The following ZNF367 variants were observed in gnomAD, a reference collection of about 807,000 sequenced individuals.
ZNF367 encodes the protein zinc finger protein 367, also known as C2H2 zinc finger protein ZFF29.
Under a neutral mutation model 31.8 loss-of-function variants are expected in ZNF367, and 11 were observed. The observed-to-expected ratio is 0.35, with a 90% CI of 0.22 to 0.57. The LOEUF (loss-of-function observed/expected upper bound fraction) is 0.57, where lower values mean the gene tolerates loss of function less well. Ranked by LOEUF, ZNF367 falls within the 20% of genes least tolerant of loss-of-function variation. The pLI, the probability that ZNF367 is intolerant of heterozygous loss-of-function variation, is 0.85. For missense variants in ZNF367, 353 were observed against 484.1 expected, an observed-to-expected ratio of 0.73 and a Z score of 2.54; for synonymous variants, 199 against 202.4, an observed-to-expected ratio of 0.98 and a Z score of 0.14.
chr9:96,415,076 A>G (rs907323474), intron 1 of ZNF367, among the ~76,000 whole-genome samples: 7 of 149,360 alleles, frequency 4.7e-5, no homozygotes, highest in African/African-American at 1.7e-4. Flanking sequence ...TTTTTCTGAG[A>G]CAGAGTCTTG....
At chr9:96,389,418 T>C (rs1351734239) in intron 4 of ZNF367, among the ~76,000 whole-genome samples, 1 of 151,056 alleles carries the variant, frequency 6.6e-6, no homozygotes, top group Non-Finnish European at 1.5e-5. Context: ...TAGCCAAAAA[T>C]AACCCAAATG....
intron 2 of ZNF367, among the ~76,000 whole-genome samples, chr9:96,397,567 G>A (rs1831547930): frequency 6.6e-6 from 1 of 152,154 alleles, no homozygotes; most frequent in Non-Finnish European, 1.5e-5. Context: ...ATTTGGGCAA[G>A]TAGGGGGTAA....
At chr9:96,393,041 C>T (rs1239796623) in intron 3 of ZNF367, among the ~76,000 whole-genome samples, 2 of 152,040 alleles carry the variant, frequency 1.3e-5, no homozygotes, top group African/African-American at 4.8e-5. Flanking sequence ...GCCGAGATCA[C>T]GCCATTGCAC....
intron 2 of ZNF367, among the ~76,000 whole-genome samples, chr9:96,395,973 T>G (rs1223846800): frequency 6.6e-6 from 1 of 152,234 alleles, no homozygotes; most frequent in Non-Finnish European, 1.5e-5. Context: ...AAATTTCTCA[T>G]TATTTAGAGA....
intron 3 of ZNF367, among the ~76,000 whole-genome samples, chr9:96,393,528 A>T (rs191860931): frequency 1.3e-3 from 193 of 145,516 alleles, no homozygotes; most frequent in African/African-American, 4.7e-3. Context: ...TCAAAACAAT[A>T]AAAAATAAAT....
At chr9:96,393,855 A>G (rs1486417922) in intron 3 of ZNF367, among the ~76,000 whole-genome samples, 1 of 152,224 alleles carries the variant, frequency 6.6e-6, no homozygotes, top group Admixed American at 6.5e-5. Flanking sequence ...ACAAATATTC[A>G]TTATTCAACA....
chr9:96,391,109 C>G (rs1831467480), intron 4 of ZNF367, among the ~76,000 whole-genome samples: 1 of 152,062 alleles, frequency 6.6e-6, no homozygotes, highest in Admixed American at 6.6e-5. Flanking sequence ...TTTCCAGATT[C>G]CATTATATAA....
chr9:96,395,005 G>A (rs1831513736), intron 2 of ZNF367, 63 bp from the exon 3 acceptor site: 24 of 1,585,718 alleles, frequency 1.5e-5, no homozygotes, highest in Admixed American at 6.8e-5. Context: ...AGGGGGATGG[G>A]GAGAGAATCA....
intron 1 of ZNF367, among the ~76,000 whole-genome samples, chr9:96,403,564 T>C (rs1831635919): frequency 6.6e-6 from 1 of 152,028 alleles, no homozygotes; most frequent in Non-Finnish European, 1.5e-5. Flanking sequence ...AAAATAATCT[T>C]GAAAAAGAGA....
chr9:96,412,697 C>CTTTT (rs71368258), intron 1 of ZNF367, among the ~76,000 whole-genome samples: 4,809 of 133,674 alleles, frequency 0.036, 103 homozygotes, highest in Middle Eastern at 0.06. Context: ...TTTTTCTTTT[C>CTTTT]TTTTTTTTTT....
In ZNF367 at chr9:96,417,725, T is replaced by C; in HGVS notation, c.308A>G (p.His103Arg). ...AALPAAAAAE[H>R]SGLRGRGAPP... is the part of the protein sequence containing the mutation. The stretch of plus-strand genomic sequence containing the variant: ...CGCGCCCCGGCCACGAAGCCCCGAG[T>C]GCTCGGCGGCTGCGGCTGCAGGCAG... Residue 103 changes from histidine to arginine, a missense_variant, in exon 1 of 5, where the codon CAC becomes CGC. Around this residue, in one of 5 missense-constraint regions of ZNF367, gnomAD observed 70 missense variants for 57.1 expected, o/e 1.23. Coordinates refer to ENST00000375256, the MANE Select transcript of ZNF367 (RefSeq NM_153695.4). This position sits in a 1 kb window ranked among gnomAD's most constrained non-coding sequence, Gnocchi z 5.0. 1.6e-6 allele frequency: 2 copies of C among 1,218,138 alleles called. No individual in the cohort carries two copies. The highest frequency in any genetic ancestry group is 4.1e-5 in the South Asian group (1 of 24,306). The allele number at this position is 1,218,138 out of a possible 1,614,324, so 75.5% of individuals were successfully genotyped here. A position where few individuals can be genotyped will look rare whatever the true frequency, so the allele number is the denominator to read the frequency against.
At chr9:96,391,583 G>A (rs1831472198) in intron 4 of ZNF367, among the ~76,000 whole-genome samples, 4 of 152,012 alleles carry the variant, frequency 2.6e-5, no homozygotes, top group Admixed American at 2.6e-4. Context: ...TAAGCAGCCA[G>A]TGAAGCCTGG....
intron 1 of ZNF367, among the ~76,000 whole-genome samples, chr9:96,402,599 CCCA>C (rs1261241567): frequency 6.8e-6 from 1 of 146,470 alleles, no homozygotes; most frequent in Non-Finnish European, 1.5e-5. Flanking sequence ...ATTACAAGTG[CCCA>C]CCACCACGCC....
chr9:96,398,342 A>G (rs1346565135), intron 1 of ZNF367, 28 bp from the exon 2 acceptor site: 3 of 1,582,138 alleles, frequency 1.9e-6, no homozygotes, highest in South Asian at 2.3e-5. Context: ...AAACATTAAT[A>G]TAATTTATTT....
At chr9:96,415,221 A>ATTTT (rs775576212) in intron 1 of ZNF367, among the ~76,000 whole-genome samples, 1 of 128,902 alleles carries the variant, frequency 7.8e-6, no homozygotes, top group African/African-American at 2.9e-5. Flanking sequence ...CCCCTGGCCA[A>ATTTT]TTTTTTTTTT....
rs376272170 is a variant in ZNF367, at chr9:96,398,158, A to C, written c.571+6T>G. Reference sequence around the variant, plus strand: ...TGGCAGTCTCTATAAAATTTGCTCAACTTACCTGTATGAGTCCTTTTGTGA... The same window carrying C: ...TGGCAGTCTCTATAAAATTTGCTCACCTTACCTGTATGAGTCCTTTTGTGA... On this transcript the variant is annotated splice_donor_region_variant and intron_variant, in intron 2 of 4. Transcript: ENST00000375256. The C allele has an allele frequency of 6.4e-7, 1 of 1,556,274 alleles. No individual in the cohort carries two copies. Among genetic ancestry groups the C allele is most frequent in the Non-Finnish European group, 8.7e-7 (1 of 1,151,406 alleles).
chr9:96,406,755 C>A (rs1047136746), intron 1 of ZNF367, among the ~76,000 whole-genome samples: 2 of 152,018 alleles, frequency 1.3e-5, no homozygotes, highest in Admixed American at 6.6e-5. Context: ...AATCCCAGCA[C>A]TTTGGGAGGC....
chr9:96,416,474 T>C (rs539631834), intron 1 of ZNF367, among the ~76,000 whole-genome samples: 1 of 152,276 alleles, frequency 6.6e-6, no homozygotes, highest in African/African-American at 2.4e-5. Flanking sequence ...TTATAATTAT[T>C]TAATAATAAT....
intron 1 of ZNF367, among the ~76,000 whole-genome samples, chr9:96,399,757 G>A (rs1461052664): frequency 6.6e-6 from 1 of 152,174 alleles, no homozygotes; most frequent in Non-Finnish European, 1.5e-5. Flanking sequence ...GGTGGAGGTT[G>A]CAGTGAGCTG....
Sources: allele counts gnomAD v4.1 joint callset (sites outside exome capture counted in the v4.1 genomes callset), GRCh38; gene constraint gnomAD v4.1.1; regional missense constraint gnomAD v4.1.1; non-coding constraint Gnocchi (gnomAD v3.1); transcripts MANE v1.5; gene names NCBI Gene and HGNC (gene_info 2026-07-23, HGNC 2026-07-21).